LRRC4C: variants seen among roughly 807,000 people sequenced by gnomAD.
LRRC4C encodes leucine-rich repeat-containing protein 4C.
In LRRC4C, 5 loss-of-function variants were observed where a neutral mutation model predicts 33.6. The observed-to-expected ratio is 0.15, with a 90% CI of 0.08 to 0.31. The LOEUF is 0.31. LRRC4C is among the 10% of genes least tolerant of loss of function. The pLI, the probability that LRRC4C is intolerant of heterozygous loss-of-function variation, is 1.00. For synonymous variants in LRRC4C, 329 were observed against 302.0 expected, an observed-to-expected ratio of 1.09 and a Z score of -0.93; for missense variants, 560 against 796.7, an observed-to-expected ratio of 0.70 and a Z score of 3.58.
intron 3 of LRRC4C, among the ~76,000 whole-genome samples, chr11:40,633,380 T>TCTC (rs71060974): frequency 7.7e-6 from 1 of 129,564 alleles, no homozygotes; most frequent in South Asian, 2.3e-4. Flanking sequence ...TTTCTCTCTC[T>TCTC]TTCTTTCTTT....
chr11:40,177,189 G>A (rs187689901), intron 5 of LRRC4C, among the ~76,000 whole-genome samples: 30 of 151,948 alleles, frequency 2.0e-4, no homozygotes, highest in South Asian at 6.2e-4. Context: ...TCCTGACTTC[G>A]TAATCTGCCC....
At position 40,477,190 on chromosome 11, in the gene LRRC4C, T is replaced by C. The variant is rs185182926; in HGVS notation, c.-269-157469A>G. The stretch of plus-strand genomic sequence containing the variant: ...AGCTGGGTGCCATTGAAGGCCCCTT[T>C]TAGATTTGATTTTAAAATTTTTAGA... On this transcript the variant is annotated intron_variant, in intron 3 of 6. Coordinates refer to ENST00000528697, the MANE Select transcript of LRRC4C (RefSeq NM_001258419.2). 6.6e-3 allele frequency among the ~76,000 whole-genome samples: 1,003 copies of C among 152,324 alleles called. 17 individuals carry two copies. The highest frequency in any genetic ancestry group is 0.023 in the African/African-American group (962 of 41,582).
Position 40,463,533 on chromosome 11 carries a change from T to A in LRRC4C, c.-269-143812A>T, listed in dbSNP as rs191034663. On this transcript the variant is annotated intron_variant, in intron 3 of 6. Transcript: ENST00000528697. ...TATCTTTGAGTAATATTTTCAAGGA[T>A]GAATAGGATCTCACACTATCATTAT... 2.5e-3 allele frequency among the ~76,000 whole-genome samples: 384 copies of A among 152,206 alleles called. 1 individual carries two copies. Among genetic ancestry groups the A allele is most frequent in the Non-Finnish European group, 4.1e-3 (281 of 67,988 alleles).
At chr11:41,046,077 A>G (rs924633272) in intron 1 of LRRC4C, among the ~76,000 whole-genome samples, 12 of 152,260 alleles carry the variant, frequency 7.9e-5, no homozygotes, top group Middle Eastern at 3.4e-3. Flanking sequence ...AACTGGCCAT[A>G]TTTTCCATTT....
chr11:40,297,903 A>G (rs928159918), intron 4 of LRRC4C, among the ~76,000 whole-genome samples: 3 of 152,218 alleles, frequency 2.0e-5, no homozygotes, highest in Non-Finnish European at 2.9e-5. Flanking sequence ...GGTTGTGGTT[A>G]TAATACATAT....
At chr11:40,418,143 G>A (rs1158712752) in intron 3 of LRRC4C, among the ~76,000 whole-genome samples, 9 of 152,118 alleles carry the variant, frequency 5.9e-5, no homozygotes, top group Admixed American at 5.2e-4. Flanking sequence ...GGTGGGACAA[G>A]AATATTGACA....
intron 1 of LRRC4C, among the ~76,000 whole-genome samples, chr11:40,979,221 A>G (rs1054428127): frequency 2.6e-5 from 4 of 152,182 alleles, no homozygotes; most frequent in Non-Finnish European, 5.9e-5. Flanking sequence ...AATTACAAAA[A>G]TATTGTCAGC....
At chr11:41,249,527 G>T (rs1210414233) in intron 1 of LRRC4C, among the ~76,000 whole-genome samples, 1 of 152,076 alleles carries the variant, frequency 6.6e-6, no homozygotes. Context: ...AACTTACCAT[G>T]ACTTATAGCA....
intron 2 of LRRC4C, among the ~76,000 whole-genome samples, chr11:40,809,058 C>A (rs1951370192): frequency 6.6e-6 from 1 of 152,148 alleles, no homozygotes; most frequent in Admixed American, 6.6e-5. Flanking sequence ...CATCAGTGTA[C>A]AAACATCCAG....
At chr11:40,790,052 G>A (rs192200747) in intron 2 of LRRC4C, among the ~76,000 whole-genome samples, 1 of 152,298 alleles carries the variant, frequency 6.6e-6, no homozygotes, top group Non-Finnish European at 1.5e-5. Context: ...AACAATATTA[G>A]AAAACATAAG....
At chr11:40,654,208 T>C in intron 2 of LRRC4C, among the ~76,000 whole-genome samples, 1 of 152,154 alleles carries the variant, frequency 6.6e-6, no homozygotes, top group Non-Finnish European at 1.5e-5. Flanking sequence ...GTGTACTGCC[T>C]AGTGGAGCTG....
At chr11:41,017,880 A>G (rs1855704752) in intron 1 of LRRC4C, among the ~76,000 whole-genome samples, 1 of 151,840 alleles carries the variant, frequency 6.6e-6, no homozygotes, top group Non-Finnish European at 1.5e-5. Context: ...AAGATCACTT[A>G]TTTATTAATT....
chr11:40,330,132 A>T (rs1214516954), intron 3 of LRRC4C, among the ~76,000 whole-genome samples: 1 of 152,150 alleles, frequency 6.6e-6, no homozygotes, highest in Non-Finnish European at 1.5e-5. Context: ...GAGGTAGTCA[A>T]ATTATGAATC....
intron 1 of LRRC4C, among the ~76,000 whole-genome samples, chr11:41,138,906 A>C (rs1943381806): frequency 6.6e-6 from 1 of 152,228 alleles, no homozygotes; most frequent in East Asian, 1.9e-4. Flanking sequence ...AACAAAGGAC[A>C]TCTTTAGAGA....
At chr11:40,615,146 A>G (rs1158287178) in intron 3 of LRRC4C, among the ~76,000 whole-genome samples, 1 of 150,806 alleles carries the variant, frequency 6.6e-6, no homozygotes, top group Non-Finnish European at 1.5e-5. Flanking sequence ...ATTATAGCTG[A>G]TAATGTCTGA....
chr11:40,930,215 A>T lies in LRRC4C; in HGVS notation c.-407+3420T>A, dbSNP rs569378306. 2.0e-5 allele frequency among the ~76,000 whole-genome samples: 3 copies of T among 152,322 alleles called. No homozygotes were observed. The South Asian group carries it at 6.2e-4, about 32-fold the overall frequency. ...TGGCTAGAAGGTAGCCAAGAAAAAT[A>T]CCAAACCTTTGGCTGAGGAATCCAG... On this transcript the variant is annotated intron_variant, in intron 2 of 6. Transcript: ENST00000528697.
chr11:40,939,550 T>G (rs936991104), intron 1 of LRRC4C, among the ~76,000 whole-genome samples: 1 of 152,094 alleles, frequency 6.6e-6, no homozygotes, highest in Non-Finnish European at 1.5e-5. Context: ...CCCGCTCGGT[T>G]TTAGGCACTC....
intron 5 of LRRC4C, among the ~76,000 whole-genome samples, chr11:40,155,386 A>C (rs886957168): frequency 6.6e-6 from 1 of 152,036 alleles, no homozygotes; most frequent in East Asian, 1.9e-4. Context: ...AATTGAAATT[A>C]AAAAAATACA....
chr11:40,610,429 T>C (rs1390154736), intron 3 of LRRC4C, among the ~76,000 whole-genome samples: 2 of 151,382 alleles, frequency 1.3e-5, no homozygotes, highest in Non-Finnish European at 3.0e-5. Context: ...TAGTATGAGG[T>C]GAAAGAAGGA....
Sources: gnomAD v4.1 joint callset for allele counts (sites outside exome capture counted in the v4.1 genomes callset) on GRCh38, gnomAD v4.1.1 for gene constraint, MANE v1.5 for transcripts, NCBI Gene and HGNC (gene_info 2026-07-23, HGNC 2026-07-21) for gene names.